Variants in SRGAP2C observed in about 807,000 individuals in gnomAD.
SRGAP2C encodes the protein SLIT-ROBO Rho GTPase-activating protein 2C.
A neutral mutation model predicts 25.1 loss-of-function variants in SRGAP2C; 15 were observed. The ratio of observed to expected loss-of-function variants is 0.60; its 90% CI spans 0.40 to 0.92. The LOEUF is 0.92. Among genes scored for constraint, SRGAP2C ranks in the 40% least tolerant of loss-of-function variants. The pLI, the probability that SRGAP2C is intolerant of heterozygous loss-of-function variation, is 0.00. For missense variants in SRGAP2C, 144 were observed against 264.4 expected (o/e 0.54, Z 3.16); for synonymous variants, 44 against 96.6 (o/e 0.46, Z 3.19).
At chr1:121,385,728 T>C (rs1383041350) in intron 8 of SRGAP2C, among the ~76,000 whole-genome samples, 5 of 150,724 alleles carry the variant, frequency 3.3e-5, no homozygotes, top group African/African-American at 1.2e-4. Context: ...GGGTCCTGCC[T>C]CCCAACTCTC....
At chr1:121,236,042 G>A (rs1274854970) in intron 2 of SRGAP2C, among the ~76,000 whole-genome samples, 49 of 127,766 alleles carry the variant, frequency 3.8e-4, no homozygotes, top group African/African-American at 1.4e-3. Flanking sequence ...GATCCTGTTG[G>A]ACTTGGATGG....
intron 5 of SRGAP2C, among the ~76,000 whole-genome samples, chr1:121,366,711 A>C (rs1659331924): frequency 6.6e-6 from 1 of 151,660 alleles, no homozygotes; most frequent in Non-Finnish European, 1.5e-5. Context: ...CTAGCAGAGA[A>C]TTCCCTAAGA....
intron 2 of SRGAP2C, among the ~76,000 whole-genome samples, chr1:121,198,941 A>C (rs1413310874): frequency 6.6e-6 from 1 of 152,192 alleles, no homozygotes; most frequent in African/African-American, 2.4e-5. Flanking sequence ...GATTTTAGAG[A>C]TAACTCACCT....
intron 4 of SRGAP2C, among the ~76,000 whole-genome samples, chr1:121,345,688 T>C (rs1171697191): frequency 7.4e-6 from 1 of 134,366 alleles, no homozygotes; most frequent in Non-Finnish European, 1.6e-5. Context: ...GTTTTGCTCT[T>C]GTTGCCCAGG....
chr1:121,343,147 C>G (rs1658668897), intron 4 of SRGAP2C, among the ~76,000 whole-genome samples: 1 of 151,962 alleles, frequency 6.6e-6, no homozygotes, highest in African/African-American at 2.4e-5. Flanking sequence ...TACCCAACCA[C>G]AAAAGAATTA....
intron 4 of SRGAP2C, among the ~76,000 whole-genome samples, chr1:121,354,372 T>C (rs1209446584): frequency 1.4e-5 from 1 of 70,458 alleles, no homozygotes; most frequent in East Asian, 6.7e-4. Flanking sequence ...CCCCCCCACT[T>C]CTTTCTTTCT....
chr1:121,202,351 G>A (rs1553321821), intron 2 of SRGAP2C, among the ~76,000 whole-genome samples: 1 of 151,718 alleles, frequency 6.6e-6, no homozygotes, highest in Non-Finnish European at 1.5e-5. Flanking sequence ...CTCCAGTGTT[G>A]GGACACTTTG....
chr1:121,234,864 A>G (rs1322153315), intron 2 of SRGAP2C, among the ~76,000 whole-genome samples: 3 of 149,892 alleles, frequency 2.0e-5, no homozygotes, highest in Non-Finnish European at 4.4e-5. Context: ...CTGCCATGGG[A>G]TGATGCAGCA....
At chr1:121,335,093 G>T (rs1346599405) in intron 4 of SRGAP2C, among the ~76,000 whole-genome samples, 3 of 146,286 alleles carry the variant, frequency 2.1e-5, no homozygotes, top group Non-Finnish European at 1.5e-5. Flanking sequence ...AAGAGTTTGA[G>T]ACCAGCCTGG....
At chr1:121,366,071 A>ACACACACT (rs1343496735) in intron 5 of SRGAP2C, among the ~76,000 whole-genome samples, 22 of 134,018 alleles carry the variant, frequency 1.6e-4, no homozygotes, top group African/African-American at 5.8e-4. Context: ...ATGAAAACAA[A>ACACACACT]CACACACTCA....
chr1:121,335,241 T>C (rs1249360016), intron 4 of SRGAP2C, among the ~76,000 whole-genome samples: 1 of 150,060 alleles, frequency 6.7e-6, no homozygotes, highest in African/African-American at 2.5e-5. Context: ...TGCAAGAGGC[T>C]GAGGCAGGAG....
chr1:121,191,925 G>A lies in SRGAP2C; in HGVS notation c.67+4412G>A, dbSNP rs148019928. Among the ~76,000 whole-genome samples, 1,176 of 144,224 alleles carry A rather than the reference G, an allele frequency of 8.2e-3. 17 individuals are homozygous for A. The highest frequency in any genetic ancestry group is 0.029 in the African/African-American group (1,121 of 38,146). The allele number at this position is 144,224 out of a possible 152,430, so 94.6% of individuals were successfully genotyped here. A position where few individuals can be genotyped will look rare whatever the true frequency, so the allele number is the denominator to read the frequency against. On this transcript the variant is annotated intron_variant, in intron 2 of 9. Transcript: ENST00000367123. ...TTTTTTTTTTTTTTTAATGTCTTAA[G>A]AGAACAGTGTGTGTGCACCACAGAG...
intron 4 of SRGAP2C, among the ~76,000 whole-genome samples, chr1:121,328,248 C>G: frequency 6.6e-6 from 1 of 151,514 alleles, no homozygotes; most frequent in Non-Finnish European, 1.5e-5. Context: ...AAATTTGGTT[C>G]CAGTGGCAAA....
At chr1:121,353,904 ACT>A (rs1658984722) in intron 4 of SRGAP2C, among the ~76,000 whole-genome samples, 1 of 28,622 alleles carries the variant, frequency 3.5e-5, no homozygotes, top group Admixed American at 4.1e-4. Flanking sequence ...TGGTTAGACA[ACT>A]CTGTGCATTT....
chr1:121,351,380 T>C (rs1257963436), intron 4 of SRGAP2C, among the ~76,000 whole-genome samples: 1 of 151,882 alleles, frequency 6.6e-6, no homozygotes, highest in Non-Finnish European at 1.5e-5. Flanking sequence ...GAGGCTGAGG[T>C]GGGCAGATCA....
intron 2 of SRGAP2C, among the ~76,000 whole-genome samples, chr1:121,201,710 T>C (rs1325246122): frequency 6.6e-6 from 1 of 152,264 alleles, no homozygotes; most frequent in African/African-American, 2.4e-5. Flanking sequence ...GCAGGCTTAG[T>C]GGGCATGATG....
chr1:121,343,196 A>T (rs1658670469), intron 4 of SRGAP2C, among the ~76,000 whole-genome samples: 2 of 151,770 alleles, frequency 1.3e-5, no homozygotes, highest in East Asian at 3.9e-4. Flanking sequence ...TCAAACATTG[A>T]TATATCAGCA....
intron 2 of SRGAP2C, among the ~76,000 whole-genome samples, chr1:121,271,243 T>TA (rs1254020493): frequency 2.7e-5 from 4 of 148,168 alleles, no homozygotes; most frequent in Non-Finnish European, 6.0e-5. Flanking sequence ...GCTCCAAAGG[T>TA]ACAGTGAATG....
Position 121,285,011 on chromosome 1 carries a change from C to G in SRGAP2C, c.260+16C>G, listed in dbSNP as rs1657327878. ...AGCAATTCAAGTAGGGGCTCTGTGG[C>G]TATTACTCTCTGAGACCTTGGAATA... On this transcript the variant is annotated intron_variant, in intron 3 of 9. Transcript: ENST00000367123. 7.5e-7 allele frequency: 1 copy of G among 1,339,038 alleles called. No individual in the cohort carries two copies. The highest frequency in any genetic ancestry group is 1.5e-5 in the African/African-American group (1 of 67,378). 82.9% of individuals were successfully genotyped at this position (1,339,038 alleles called of 1,614,324 possible). A position where few individuals can be genotyped will look rare whatever the true frequency, so the allele number is the denominator to read the frequency against.
Sources: allele counts gnomAD v4.1 joint callset (sites outside exome capture counted in the v4.1 genomes callset), GRCh38; gene constraint gnomAD v4.1.1; transcripts MANE v1.5; gene names NCBI Gene and HGNC (gene_info 2026-07-23, HGNC 2026-07-21).